The following AHCTF1 variants were observed in gnomAD, a reference collection of about 807,000 sequenced individuals.
AHCTF1 encodes protein ELYS.
Under a neutral mutation model 248.4 loss-of-function variants are expected in AHCTF1, and 24 were observed. The observed-to-expected ratio is 0.10, with a 90% CI of 0.07 to 0.14. The LOEUF (loss-of-function observed/expected upper bound fraction) is 0.14. Ranked by LOEUF, AHCTF1 falls within the 10% of genes least tolerant of loss-of-function variation. AHCTF1 has a pLI of 1.00. For missense variants in AHCTF1, 2,206 were observed against 2,636.2 expected, an observed-to-expected ratio of 0.84 and a Z score of 3.57; for synonymous variants, 786 against 929.8, an observed-to-expected ratio of 0.85 and a Z score of 2.81.
intron 23 of AHCTF1, 53 bp from the exon 24 acceptor site, chr1:246,876,240 G>A (rs981851007): frequency 1.0e-4 from 142 of 1,421,542 alleles, no homozygotes; most frequent in Non-Finnish European, 1.2e-4. Context: ...GTTAGGTGCT[G>A]TAATTCTATA....
chr1:246,890,918 G>T, intron 16 of AHCTF1, 38 bp downstream of exon 16: 1 of 1,262,972 alleles, frequency 7.9e-7, no homozygotes, highest in Non-Finnish European at 1.1e-6. Flanking sequence ...GATTCAGAAT[G>T]TTTTAATTAA....
chr1:246,871,066 AG>A (rs1192472159), intron 24 of AHCTF1, among the ~76,000 whole-genome samples: 1 of 152,198 alleles, frequency 6.6e-6, no homozygotes, highest in African/African-American at 2.4e-5. Flanking sequence ...CATAAAAGGC[AG>A]GGAACAGCTA....
intron 10 of AHCTF1, 57 bp from the exon 11 acceptor site, chr1:246,899,569 G>A (rs1664850246): frequency 1.5e-6 from 2 of 1,374,318 alleles, no homozygotes; most frequent in Admixed American, 2.0e-5. Flanking sequence ...GGCATTAATA[G>A]AACAAAATTT....
chr1:246,904,069 T>G, intron 6 of AHCTF1, 36 bp from the exon 7 acceptor site: 1 of 1,535,406 alleles, frequency 6.5e-7, no homozygotes. Context: ...GCTAAATATA[T>G]TAATACATTA....
chr1:246,846,243 T>C (rs1384726571), intron 33 of AHCTF1, among the ~76,000 whole-genome samples: 1 of 151,758 alleles, frequency 6.6e-6, no homozygotes. Context: ...ACCTCTAGCC[T>C]TCCAATCATA....
intron 4 of AHCTF1, 95 bp downstream of exon 4, chr1:246,913,137 C>A (rs1665925551): frequency 1.0e-6 from 1 of 983,142 alleles, no homozygotes; most frequent in Non-Finnish European, 1.4e-6. Flanking sequence ...TTTTATTTTA[C>A]TCCAGCTGCT....
chr1:246,849,507 G>A (rs1660534738), intron 33 of AHCTF1, 108 bp downstream of exon 33: 4 of 1,420,008 alleles, frequency 2.8e-6, no homozygotes, highest in African/African-American at 1.4e-5. Context: ...TTGGTTTGAG[G>A]GGGGAAGGGG....
intron 21 of AHCTF1, among the ~76,000 whole-genome samples, chr1:246,883,120 C>G (rs1022994297): frequency 2.0e-5 from 3 of 152,196 alleles, no homozygotes; most frequent in African/African-American, 7.2e-5. Context: ...CTCCTGAGGT[C>G]AGGAGTGAGG....
chr1:246,859,814 G>A (rs889542680), intron 29 of AHCTF1, among the ~76,000 whole-genome samples: 2 of 152,020 alleles, frequency 1.3e-5, no homozygotes, highest in African/African-American at 4.8e-5. Context: ...CTGGGCTCCC[G>A]AAGTGCTGGT....
intron 24 of AHCTF1, among the ~76,000 whole-genome samples, chr1:246,869,187 T>C (rs1435082112): frequency 6.6e-6 from 1 of 152,142 alleles, no homozygotes; most frequent in Non-Finnish European, 1.5e-5. Flanking sequence ...GTGGCAACCC[T>C]GTGTCCAGCA....
In AHCTF1 at chr1:246,894,601, AC is replaced by A. The variant is rs1460976791; in HGVS notation, c.1804+57del. 2.2e-6 allele frequency: 3 copies of A among 1,354,068 alleles called. No individual in the cohort carries two copies. The African/African-American group carries it at 4.4e-5, about 20-fold the overall frequency. The allele number at this position is 1,354,068 out of a possible 1,614,324, so 83.9% of individuals were successfully genotyped here. ...TAAAAATTATGTACTTAAGACATAA[AC>A]CAAGGTTAGTATTTTAATATTAAAT... On this transcript the variant is annotated intron_variant, in intron 14 of 35. Transcript: ENST00000648844.
At position 246,922,875 on chromosome 1, in the gene AHCTF1, C is replaced by A. The variant is rs1248264947; in HGVS notation, c.-7-4498G>T. On this transcript the variant is annotated intron_variant, in intron 1 of 35. Coordinates refer to ENST00000648844, the MANE Select transcript of AHCTF1 (RefSeq NM_001323342.2). Reference sequence around the variant, plus strand: ...GCAGGCGCCTGTAGTCCCAGCTACTCGGGAGGCTGAGGCAGGAGAATGGCA... The same window carrying A: ...GCAGGCGCCTGTAGTCCCAGCTACTAGGGAGGCTGAGGCAGGAGAATGGCA... Among the ~76,000 whole-genome samples, 8 of 148,394 alleles carry A rather than the reference C, an allele frequency of 5.4e-5. No homozygotes were observed. The South Asian group carries it at 1.5e-3, about 28-fold the overall frequency.
At chr1:246,923,706 C>T (rs996922366) in intron 1 of AHCTF1, among the ~76,000 whole-genome samples, 6 of 151,688 alleles carry the variant, frequency 4.0e-5, no homozygotes, top group Non-Finnish European at 7.4e-5. Context: ...CATTCCTCCC[C>T]TAGTATCTAG....
intron 7 of AHCTF1, 30 bp from the exon 8 acceptor site, chr1:246,902,705 T>G: frequency 6.5e-7 from 1 of 1,543,982 alleles, no homozygotes; most frequent in Non-Finnish European, 8.8e-7. Context: ...CAAATATTAA[T>G]CTGATTCTAG....
chr1:246,928,471 T>C (rs1667108917), intron 1 of AHCTF1, among the ~76,000 whole-genome samples: 1 of 152,158 alleles, frequency 6.6e-6, no homozygotes, highest in Non-Finnish European at 1.5e-5. Flanking sequence ...CAGGATACTG[T>C]ATAGCAGGAT....
chr1:246,895,991 C>A, intron 12 of AHCTF1, 66 bp from the exon 13 acceptor site: 3 of 1,378,904 alleles, frequency 2.2e-6, no homozygotes, highest in South Asian at 1.3e-5. Flanking sequence ...TAGGCAAGTT[C>A]TGGTTTAGAA....
At position 246,902,691 on chromosome 1, in the gene AHCTF1, C is replaced by T. The variant is rs750719857; in HGVS notation, c.967-16G>A. On this transcript the variant is annotated splice_polypyrimidine_tract_variant and intron_variant, in intron 7 of 35. Transcript: ENST00000648844. ...ATTCTAACCCCTGTAACATAAAATACACGCAAATATTAATCTGATTCTAGG... is the reference window on the plus strand; with the variant it reads ...ATTCTAACCCCTGTAACATAAAATATACGCAAATATTAATCTGATTCTAGG... 6.4e-7 allele frequency: 1 copy of T among 1,568,634 alleles called. No homozygotes were observed. The highest frequency in any genetic ancestry group is 8.6e-7 in the Non-Finnish European group (1 of 1,156,384).
intron 33 of AHCTF1, among the ~76,000 whole-genome samples, chr1:246,844,500 G>A (rs1045578173): frequency 1.3e-5 from 2 of 152,044 alleles, no homozygotes; most frequent in Admixed American, 6.6e-5. Flanking sequence ...GTAGGAGGAC[G>A]GCTTAAGGCC....
At chr1:246,891,717 G>C (rs1664216218) in intron 15 of AHCTF1, 62 bp downstream of exon 15, 1 of 1,541,636 alleles carries the variant, frequency 6.5e-7, no homozygotes, top group African/African-American at 1.4e-5. Context: ...AATGTTATTC[G>C]TTTCTCTTAG....
Sources: gnomAD v4.1 joint callset for allele counts (sites outside exome capture counted in the v4.1 genomes callset) on GRCh38, gnomAD v4.1.1 for gene constraint, MANE v1.5 for transcripts, NCBI Gene and HGNC (gene_info 2026-07-23, HGNC 2026-07-21) for gene names.